The following ZNF214 variants were observed in gnomAD, a reference collection of about 807,000 sequenced individuals.
ZNF214 encodes the protein zinc finger protein 214.
Under a neutral mutation model 53.9 loss-of-function variants are expected in ZNF214, and 43 were observed. The observed-to-expected ratio is 0.80, with a 90% CI of 0.63 to 1.03. The LOEUF is 1.03. Ranked by LOEUF, ZNF214 falls within the 50% of genes least tolerant of loss-of-function variation. The probability of loss-of-function intolerance (pLI) is 0.00; values close to 1 mark genes in which losing one functional copy is unlikely to be tolerated. For missense variants in ZNF214, 724 were observed against 719.1 expected (o/e 1.01, Z -0.08); for synonymous variants, 217 against 229.5 (o/e 0.95, Z 0.49).
chr11:7,001,461 G>T lies in ZNF214; in HGVS notation c.222C>A (p.Gly74=). ...AGTTCTGATTCTCATACATCTGGGC[G>T]CCAGCATTCCACCAGCCTTGCCAGT... is the stretch of plus-strand genomic sequence containing the variant. ...FSYWQGWWNA[G]AQMYENQNYG... The change falls in exon 3 of 3, where the codon GGC becomes GGA. Residue 74 remains glycine, a synonymous_variant. Coordinates refer to ENST00000278314, the MANE Select transcript of ZNF214 (RefSeq NM_013249.4). 6.2e-7 allele frequency: 1 copy of T among 1,612,956 alleles called. No homozygotes were observed. Among genetic ancestry groups the T allele is most frequent in the Non-Finnish European group, 8.5e-7 (1 of 1,179,254 alleles).
At chr11:7,003,124 G>T (rs960553337) in intron 1 of ZNF214, among the ~76,000 whole-genome samples, 1 of 151,920 alleles carries the variant, frequency 6.6e-6, no homozygotes, top group Non-Finnish European at 1.5e-5. Flanking sequence ...ATCCCATGTT[G>T]TAGGTAGCTT....
chr11:7,019,869 A>G (rs1394790187), intron 1 of ZNF214: 2 of 152,200 alleles, frequency 1.3e-5, no homozygotes, highest in Non-Finnish European at 2.9e-5. Flanking sequence ...AAGTGTAAGC[A>G]CCAGAGAACC....
Position 7,000,532 on chromosome 11 carries a change from T to C in ZNF214, c.1151A>G (p.Lys384Arg). ...HVHQRVHTGE[K>R]PYKCDECGKG... The stretch of plus-strand genomic sequence containing the variant: ...ACCACACTCATCACACTTATATGGT[T>C]TTTCTCCTGTGTGGACTCTCTGATG... Residue 384 changes from lysine (K) to arginine (R), a missense_variant, in exon 3 of 3, where the codon AAA becomes AGA. Transcript: ENST00000278314. The C allele has an allele frequency of 6.2e-7, 1 of 1,612,258 alleles. No homozygotes were observed. The highest frequency in any genetic ancestry group is 8.5e-7 in the Non-Finnish European group (1 of 1,179,158).
At chr11:7,004,813 C>T (rs1851436384) in intron 1 of ZNF214, among the ~76,000 whole-genome samples, 1 of 152,100 alleles carries the variant, frequency 6.6e-6, no homozygotes, top group Non-Finnish European at 1.5e-5. Context: ...CAGATGACTA[C>T]AGTCCCTGCT....
At chr11:7,016,200 T>G (rs1851761564) in intron 1 of ZNF214, among the ~76,000 whole-genome samples, 1 of 152,182 alleles carries the variant, frequency 6.6e-6, no homozygotes, top group Non-Finnish European at 1.5e-5. Flanking sequence ...TGATCTTGTT[T>G]AACATTCTTA....
chr11:7,013,861 A>G (rs1027465424), intron 1 of ZNF214, among the ~76,000 whole-genome samples: 1 of 152,232 alleles, frequency 6.6e-6, no homozygotes, highest in Non-Finnish European at 1.5e-5. Flanking sequence ...AAATTAGGAA[A>G]GCTATTAACT....
In ZNF214 at chr11:7,001,752, A is replaced by T. The variant is rs146841306; in HGVS notation, c.128-197T>A. 4.1e-3 allele frequency among the ~76,000 whole-genome samples: 626 copies of T among 152,076 alleles called. 7 individuals are homozygous for T. The highest frequency in any genetic ancestry group is 0.014 in the African/African-American group (581 of 41,528). ...CATTCATGTATGTATTCATTCATTC[A>T]CTTATTTATTCATTCCACAAACATA... On this transcript the variant is annotated intron_variant, in intron 2 of 2. Transcript: ENST00000278314.
chr11:7,017,330 G>A (rs886490351), intron 1 of ZNF214, among the ~76,000 whole-genome samples: 1 of 152,066 alleles, frequency 6.6e-6, no homozygotes, highest in Admixed American at 6.5e-5. Flanking sequence ...CCTAAAACAT[G>A]CTTATATCCT....
In ZNF214 at chr11:7,001,234, T is replaced by C. The variant is rs775082949; in HGVS notation, c.449A>G (p.Tyr150Cys). Reference protein sequence around the residue: ...QSLETKTTQDYGREIYMSGSH... With the variant: ...QSLETKTTQDCGREIYMSGSH... Reference sequence around the variant, plus strand: ...ACCACTCATGTAGATTTCTCTACCATAGTCTTGAGTGGTTTTTGTTTCTAA... The same window carrying C: ...ACCACTCATGTAGATTTCTCTACCACAGTCTTGAGTGGTTTTTGTTTCTAA... Residue 150 changes from tyrosine (Y) to cysteine (C), a missense_variant, in exon 3 of 3, where the codon TAT becomes TGT. Coordinates refer to ENST00000278314, the MANE Select transcript of ZNF214 (RefSeq NM_013249.4). 1.9e-6 allele frequency: 3 copies of C among 1,613,170 alleles called. No homozygotes were observed. The highest frequency in any genetic ancestry group is 1.3e-5 in the African/African-American group (1 of 74,858).
At chr11:7,017,994 T>G (rs1000480590) in intron 1 of ZNF214, among the ~76,000 whole-genome samples, 1 of 152,216 alleles carries the variant, frequency 6.6e-6, no homozygotes, top group Admixed American at 6.5e-5. Context: ...GTCAAATTTT[T>G]TAATTTAATG....
Position 6,999,849 on chromosome 11 carries a change from A to C in ZNF214, c.*13T>G, listed in dbSNP as rs759704990. Reference sequence around the variant, plus strand: ...TAAACTTTGATTAAAGCTGTTAACTAAATGAACAATATTTATAAGTTTCCT... The same window carrying C: ...TAAACTTTGATTAAAGCTGTTAACTCAATGAACAATATTTATAAGTTTCCT... On this transcript the variant is annotated 3_prime_UTR_variant, in exon 3 of 3. Transcript: ENST00000278314. 2 of 1,585,904 alleles carry C rather than the reference A, an allele frequency of 1.3e-6. No homozygotes were observed. Among genetic ancestry groups the C allele is most frequent in the Admixed American group, 3.5e-5 (2 of 56,392 alleles).
Position 6,999,766 on chromosome 11 carries a change from A to T in ZNF214, c.*96T>A. ...GAAACTATAAATGTTGCTTGGGATT[A>T]CTTGTGTTATTTATAAGATTTCCTT... On this transcript the variant is annotated 3_prime_UTR_variant, in exon 3 of 3. Transcript: ENST00000278314. 7.6e-7 allele frequency: 1 copy of T among 1,316,224 alleles called. No homozygotes were observed. Among genetic ancestry groups the T allele is most frequent in the Non-Finnish European group, 1.0e-6 (1 of 978,360 alleles). 81.5% of individuals were successfully genotyped at this position (1,316,224 alleles called of 1,614,324 possible).
intron 1 of ZNF214, among the ~76,000 whole-genome samples, chr11:7,005,388 T>G (rs185454111): frequency 6.6e-6 from 1 of 152,056 alleles, no homozygotes; most frequent in Admixed American, 6.6e-5. Flanking sequence ...AACAATAAAC[T>G]AAGATGACAA....
chr11:7,008,328 G>A (rs928355926), intron 1 of ZNF214, among the ~76,000 whole-genome samples: 7 of 152,156 alleles, frequency 4.6e-5, no homozygotes, highest in Middle Eastern at 3.2e-3. Flanking sequence ...AGCTACTCAA[G>A]AAGTTGAGGT....
chr11:7,014,057 T>C (rs577491053), intron 1 of ZNF214, among the ~76,000 whole-genome samples: 1 of 152,258 alleles, frequency 6.6e-6, no homozygotes, highest in South Asian at 2.1e-4. Context: ...TTAAAGTCAT[T>C]CTCATTAAAA....
chr11:7,006,757 TA>T (rs1478307121), intron 1 of ZNF214, among the ~76,000 whole-genome samples: 2 of 152,054 alleles, frequency 1.3e-5, no homozygotes, highest in Admixed American at 6.6e-5. Context: ...TTGACAGTTT[TA>T]TGCTTTAATT....
In ZNF214 at chr11:6,999,418, T is replaced by C. The variant is rs1374772765; in HGVS notation, c.*444A>G. 6.5e-6 allele frequency: 1 copy of C among 153,204 alleles called. No homozygotes were observed. Among genetic ancestry groups the C allele is most frequent in the African/African-American group, 2.4e-5 (1 of 41,416 alleles). The allele number at this position is 153,204 out of a possible 1,614,324, so 9.5% of individuals were successfully genotyped here. ...GTTCTATGTGTTTCCATCTTTTCTG[T>C]TACTTCCTAGGGAGTTTTTAGGGGA... is the stretch of plus-strand genomic sequence containing the variant. On this transcript the variant is annotated 3_prime_UTR_variant, in exon 3 of 3. Coordinates refer to ENST00000278314, the MANE Select transcript of ZNF214 (RefSeq NM_013249.4).
At chr11:7,017,009 C>G (rs962582485) in intron 1 of ZNF214, among the ~76,000 whole-genome samples, 1 of 152,088 alleles carries the variant, frequency 6.6e-6, no homozygotes, top group African/African-American at 2.4e-5. Context: ...GAAATATTTA[C>G]AGCATATGAC....
intron 1 of ZNF214, among the ~76,000 whole-genome samples, chr11:7,005,271 A>G (rs1195414228): frequency 6.6e-6 from 1 of 152,052 alleles, no homozygotes; most frequent in Non-Finnish European, 1.5e-5. Context: ...ATTTTTAAAA[A>G]TATGTTACAA....
Sources: gnomAD v4.1 joint callset for allele counts (sites outside exome capture counted in the v4.1 genomes callset) on GRCh38, gnomAD v4.1.1 for gene constraint, MANE v1.5 for transcripts, NCBI Gene and HGNC (gene_info 2026-07-23, HGNC 2026-07-21) for gene names.